The following GALNT18 variants were observed in gnomAD, a reference collection of about 807,000 sequenced individuals.
GALNT18 encodes GalNAc-transferase 18.
Under a neutral mutation model 69.5 loss-of-function variants are expected in GALNT18, and 44 were observed. The observed-to-expected ratio is 0.63, with a 90% CI of 0.50 to 0.81. The LOEUF (loss-of-function observed/expected upper bound fraction) is 0.81, where lower values mean the gene tolerates loss of function less well. Ranked by LOEUF, GALNT18 falls within the 40% of genes least tolerant of loss-of-function variation. The pLI is 0.00. For missense variants in GALNT18, 715 were observed against 810.0 expected, an observed-to-expected ratio of 0.88 and a Z score of 1.42; for synonymous variants, 364 against 318.2, an observed-to-expected ratio of 1.14 and a Z score of -1.53.
intron 1 of GALNT18, among the ~76,000 whole-genome samples, chr11:11,550,065 C>A (rs1263355760): frequency 2.0e-5 from 3 of 152,222 alleles, no homozygotes; most frequent in Non-Finnish European, 4.4e-5. Context: ...ACTCTGATGG[C>A]AGCCCTAGAG....
Position 11,432,736 on chromosome 11 carries a change from G to T in GALNT18, c.480C>A (p.Phe160Leu). 6.2e-7 allele frequency: 1 copy of T among 1,614,112 alleles called. No homozygotes were observed. Among genetic ancestry groups the T allele is most frequent in the Non-Finnish European group, 8.5e-7 (1 of 1,180,018 alleles). Reference sequence around the variant, plus strand: ...CTGAAAGCGCTTCATTGACGAAGATGAACACGATGCTCACCTCTGGCAGGC... The same window carrying T: ...CTGAAAGCGCTTCATTGACGAAGATTAACACGATGCTCACCTCTGGCAGGC... ...PDSLPEVSIV[F>L]IFVNEALSVL... The change falls in exon 3 of 11, where the codon TTC becomes TTA. Residue 160 changes from phenylalanine (F) to leucine (L), a missense_variant. By Grantham distance (22) the Phe-to-Leu change is conservative. Transcript: ENST00000227756. This position sits in a 1 kb window ranked among gnomAD's most constrained non-coding sequence, Gnocchi z 5.8.
At chr11:11,544,172 C>T (rs1419375188) in intron 1 of GALNT18, among the ~76,000 whole-genome samples, 1 of 152,112 alleles carries the variant, frequency 6.6e-6, no homozygotes, top group African/African-American at 2.4e-5. Flanking sequence ...ATAAATTAGG[C>T]CTAACTCTGG....
rs909752235 is a variant in GALNT18 at position 11,347,913 on chromosome 11, C to G, written c.1093-6909G>C. Among the ~76,000 whole-genome samples, 1 of 152,130 alleles carries G rather than the reference C, an allele frequency of 6.6e-6. No homozygotes were observed. The highest frequency in any genetic ancestry group is 1.5e-5 in the Non-Finnish European group (1 of 68,026). Reference sequence around the variant, plus strand: ...GGTGGATGCAGGCTGAGGCTGAGGGCTGGGGAGAGCTGGCAGAAGACCAGA... The same window carrying G: ...GGTGGATGCAGGCTGAGGCTGAGGGGTGGGGAGAGCTGGCAGAAGACCAGA... On this transcript the variant is annotated intron_variant, in intron 6 of 10. Coordinates refer to ENST00000227756, the MANE Select transcript of GALNT18 (RefSeq NM_198516.3). The surrounding 1 kb of genome is among the most constrained non-coding windows in gnomAD (Gnocchi z 4.0).
intron 3 of GALNT18, among the ~76,000 whole-genome samples, chr11:11,410,565 A>G (rs1854704348): frequency 6.6e-6 from 1 of 152,214 alleles, no homozygotes; most frequent in South Asian, 2.1e-4. Context: ...GGCACTGTAT[A>G]ATTAATTTCC....
rs139161526 is a variant in GALNT18 at position 11,617,115 on chromosome 11, T to C, written c.235+4244A>G. ...GCAAGGAAGATGAACAGGACGCCAA[T>C]TGGCAGATGCATCCCAAAGACAGAA... is the stretch of plus-strand genomic sequence containing the variant. On this transcript the variant is annotated intron_variant, in intron 1 of 10. Transcript: ENST00000227756. This position sits in a 1 kb window ranked among gnomAD's most constrained non-coding sequence, Gnocchi z 4.7. Among the ~76,000 whole-genome samples, 24 of 152,344 alleles carry C rather than the reference T, an allele frequency of 1.6e-4. No homozygotes were observed. Among genetic ancestry groups the C allele is most frequent in the African/African-American group, 4.1e-4 (17 of 41,590 alleles).
chr11:11,371,589 G>C (rs1402137039), intron 6 of GALNT18, among the ~76,000 whole-genome samples: 3 of 152,132 alleles, frequency 2.0e-5, no homozygotes, highest in Non-Finnish European at 2.9e-5. Flanking sequence ...TAGAGTGTGG[G>C]GGTGGCTGGC....
intron 1 of GALNT18, among the ~76,000 whole-genome samples, chr11:11,513,464 C>T (rs769782633): frequency 1.4e-4 from 22 of 152,194 alleles, no homozygotes; most frequent in Admixed American, 9.2e-4. Context: ...CTTTCAAAGA[C>T]GTGGGTTGTC....
At position 11,271,317 on chromosome 11, in the gene GALNT18, CAG is replaced by C. The variant is rs756993714; in HGVS notation, c.1678-29_1678-28del. 7 of 1,607,088 alleles carry C rather than the reference CAG, an allele frequency of 4.4e-6. No individual in the cohort carries two copies. The Admixed American group carries it at 1.0e-4, about 23-fold the overall frequency. On this transcript the variant is annotated intron_variant, in intron 10 of 10. Transcript: ENST00000227756. ...TAGGGGCCAGGGCAGACAGTGGGGT[CAG>C]AGGGCATAGAGGCAACATGCAGAAA...
chr11:11,273,904 A>AT (rs1848879627), intron 10 of GALNT18, among the ~76,000 whole-genome samples: 2 of 152,174 alleles, frequency 1.3e-5, no homozygotes, highest in Non-Finnish European at 2.9e-5. Context: ...AGATGGCTGA[A>AT]TAGGAATAGC....
intron 2 of GALNT18, among the ~76,000 whole-genome samples, chr11:11,437,760 G>C (rs1157336828): frequency 8.8e-6 from 1 of 113,402 alleles, no homozygotes; most frequent in Admixed American, 1.1e-4. Context: ...TGACCTGGGG[G>C]TGGGGGGTGG....
At chr11:11,472,481 T>G (rs1856294245) in intron 1 of GALNT18, among the ~76,000 whole-genome samples, 1 of 152,208 alleles carries the variant, frequency 6.6e-6, no homozygotes, top group Non-Finnish European at 1.5e-5. Flanking sequence ...TGTTGGTAGT[T>G]CTTTCTGGGC....
At chr11:11,280,325 G>C (rs1452406609) in intron 10 of GALNT18, among the ~76,000 whole-genome samples, 1 of 152,158 alleles carries the variant, frequency 6.6e-6, no homozygotes, top group East Asian at 1.9e-4. Context: ...CATGCTGAAA[G>C]AGACCTTGAA....
chr11:11,296,011 G>C (rs1271203402), intron 9 of GALNT18, among the ~76,000 whole-genome samples: 1 of 152,124 alleles, frequency 6.6e-6, no homozygotes, highest in African/African-American at 2.4e-5. Context: ...GTGGCTTCTA[G>C]TTTATTGGAG....
At chr11:11,489,347 G>A (rs905189034) in intron 1 of GALNT18, among the ~76,000 whole-genome samples, 4 of 152,140 alleles carry the variant, frequency 2.6e-5, no homozygotes, top group Admixed American at 1.3e-4. Context: ...TCAAGGATAC[G>A]GTGCTAGGAG....
rs544327172 is a variant in GALNT18, at chr11:11,473,539, C to T, written c.236-24603G>A. Among the ~76,000 whole-genome samples the T allele has an allele frequency of 2.7e-5, 4 of 149,156 alleles. No individual in the cohort carries two copies. In the East Asian group the frequency reaches 8.5e-4, roughly 32 times the overall value. On this transcript the variant is annotated intron_variant, in intron 1 of 10. Coordinates refer to ENST00000227756, the MANE Select transcript of GALNT18 (RefSeq NM_198516.3). ...AGGCTCGTTTTGGGCCTAAAGATGGCAGAGTGTGCAGACGGTGCAGAGTGA... is the reference window on the plus strand; with the variant it reads ...AGGCTCGTTTTGGGCCTAAAGATGGTAGAGTGTGCAGACGGTGCAGAGTGA...
intron 1 of GALNT18, among the ~76,000 whole-genome samples, chr11:11,489,293 A>C (rs1171551572): frequency 3.3e-5 from 5 of 152,184 alleles, no homozygotes; most frequent in African/African-American, 1.2e-4. Context: ...GATAGCTGAG[A>C]GATGTGGGAT....
chr11:11,457,778 C>T (rs1395687120), intron 1 of GALNT18, among the ~76,000 whole-genome samples: 1 of 152,114 alleles, frequency 6.6e-6, no homozygotes, highest in African/African-American at 2.4e-5. Flanking sequence ...TACTGTGTCC[C>T]TCTCTCAGGC....
At position 11,469,232 on chromosome 11, in the gene GALNT18, T is replaced by A. The variant is rs1856220909; in HGVS notation, c.236-20296A>T. On this transcript the variant is annotated intron_variant, in intron 1 of 10. Transcript: ENST00000227756. This position sits in a 1 kb window ranked among gnomAD's most constrained non-coding sequence, Gnocchi z 4.2. The stretch of plus-strand genomic sequence containing the variant: ...TTGCCTCTGTGAATGTCTCAGACAG[T>A]GCAGAACTAACGAAGGCCCCAAACC... Among the ~76,000 whole-genome samples the A allele has an allele frequency of 6.6e-6, 1 of 152,222 alleles. No individual in the cohort carries two copies. Among genetic ancestry groups the A allele is most frequent in the African/African-American group, 2.4e-5 (1 of 41,456 alleles).
rs1432985819 is a variant in GALNT18, at chr11:11,583,232, C to A, written c.235+38127G>T. 6.6e-6 allele frequency among the ~76,000 whole-genome samples: 1 copy of A among 152,202 alleles called. No homozygotes were observed. The highest frequency in any genetic ancestry group is 2.4e-5 in the African/African-American group (1 of 41,432). ...AACACAAAGCCAATTCCACCCTGGT[C>A]TCCTATTTCTGGCAAGACCATCCTG... On this transcript the variant is annotated intron_variant, in intron 1 of 10. Transcript: ENST00000227756. The surrounding 1 kb of genome is among the most constrained non-coding windows in gnomAD (Gnocchi z 4.7).
Sources: gnomAD v4.1 joint callset for allele counts (sites outside exome capture counted in the v4.1 genomes callset) on GRCh38, gnomAD v4.1.1 for gene constraint, Gnocchi (gnomAD v3.1) non-coding constraint, MANE v1.5 for transcripts, NCBI Gene and HGNC (gene_info 2026-07-23, HGNC 2026-07-21) for gene names.